Variants in PGBD5 observed in about 807,000 individuals in gnomAD.
The protein encoded by PGBD5 is piggyBac transposable element derived 5, also known as piggyBac transposable element-derived protein 5.
Under a neutral mutation model 47.9 loss-of-function variants are expected in PGBD5, and 14 were observed. The ratio of observed to expected loss-of-function variants is 0.29; its 90% CI spans 0.19 to 0.46. PGBD5 has a LOEUF of 0.46. Ranked by LOEUF, PGBD5 falls within the 20% of genes least tolerant of loss-of-function variation. The pLI is 1.00. For synonymous variants in PGBD5, 316 were observed against 306.3 expected, an observed-to-expected ratio of 1.03 and a Z score of -0.33; for missense variants, 635 against 716.0, an observed-to-expected ratio of 0.89 and a Z score of 1.29.
chr1:230,398,928 C>T (rs889247014), intron 1 of PGBD5, among the ~76,000 whole-genome samples: 5 of 152,126 alleles, frequency 3.3e-5, no homozygotes, highest in Non-Finnish European at 7.3e-5. Flanking sequence ...ATGCAGAGTG[C>T]TCCAATGAGC....
rs76344265 is a variant in PGBD5 at position 230,325,715 on chromosome 1, T to C, written c.1274-300A>G. Among the ~76,000 whole-genome samples the C allele has an allele frequency of 3.9e-3, 594 of 152,060 alleles. 8 individuals are homozygous for C. The East Asian group carries it at 0.051, about 13-fold the overall frequency. On this transcript the variant is annotated intron_variant, in intron 5 of 6. Coordinates refer to ENST00000391860, the MANE Select transcript of PGBD5 (RefSeq NM_001258311.2). ...AGGCCTGAAGGGGCTCTAAGCAGCA[T>C]GGGGAAGGGTGCTGCATCCGACTGG...
chr1:230,328,611 A>G (rs2102812807), intron 5 of PGBD5, among the ~76,000 whole-genome samples: 1 of 152,284 alleles, frequency 6.6e-6, no homozygotes, highest in East Asian at 1.9e-4. Context: ...ACACATGTCT[A>G]TCTTCTCCAT....
At chr1:230,374,101 T>G (rs1441338326) in intron 1 of PGBD5, among the ~76,000 whole-genome samples, 1 of 152,182 alleles carries the variant, frequency 6.6e-6, no homozygotes, top group African/African-American at 2.4e-5. Context: ...AAAAGGAATG[T>G]TCTTGAGGAA....
intron 1 of PGBD5, among the ~76,000 whole-genome samples, chr1:230,361,892 T>A (rs1165290615): frequency 6.6e-6 from 1 of 152,174 alleles, no homozygotes; most frequent in Non-Finnish European, 1.5e-5. Flanking sequence ...AGGCCTTGTC[T>A]GAGATGGGCT....
At chr1:230,404,866 A>T (rs1657261668) in intron 1 of PGBD5, among the ~76,000 whole-genome samples, 2 of 147,360 alleles carry the variant, frequency 1.4e-5, no homozygotes, top group Admixed American at 1.4e-4. Flanking sequence ...CAGAGGTTGC[A>T]GTGAGCCAAG....
chr1:230,369,083 G>A (rs1400854298), intron 1 of PGBD5, among the ~76,000 whole-genome samples: 2 of 152,262 alleles, frequency 1.3e-5, no homozygotes, highest in Admixed American at 6.5e-5. Context: ...AGGCCAGACA[G>A]AATGAGAGTC....
At position 230,402,316 on chromosome 1, in the gene PGBD5, C is replaced by A. The variant is rs547922135; in HGVS notation, c.331+23282G>T. On this transcript the variant is annotated intron_variant, in intron 1 of 6. Coordinates refer to ENST00000391860, the MANE Select transcript of PGBD5 (RefSeq NM_001258311.2). ...CCACAGAAGTCCACGTGGCCTAACG[C>A]CTCTCCTCGCTGCCCTCGAGGAAGG... 3.3e-5 allele frequency among the ~76,000 whole-genome samples: 5 copies of A among 152,344 alleles called. No homozygotes were observed. In the East Asian group the frequency reaches 9.7e-4, roughly 29 times the overall value.
intron 1 of PGBD5, among the ~76,000 whole-genome samples, chr1:230,386,351 C>T (rs1656637890): frequency 6.6e-6 from 1 of 151,928 alleles, no homozygotes; most frequent in Non-Finnish European, 1.5e-5. Context: ...ATTTAGACAA[C>T]CAACCTCTTA....
intron 3 of PGBD5, among the ~76,000 whole-genome samples, chr1:230,346,808 C>T (rs1558195481): frequency 6.6e-6 from 1 of 152,236 alleles, no homozygotes; most frequent in South Asian, 2.1e-4. Context: ...GCACTTGTCA[C>T]GCTATGTCGA....
At chr1:230,365,089 G>A (rs968325555) in intron 1 of PGBD5, among the ~76,000 whole-genome samples, 1 of 150,802 alleles carries the variant, frequency 6.6e-6, no homozygotes, top group Non-Finnish European at 1.5e-5. Context: ...CAAGGTGGGT[G>A]GACCACGAGG....
At chr1:230,398,837 T>C (rs1292283125) in intron 1 of PGBD5, among the ~76,000 whole-genome samples, 1 of 151,980 alleles carries the variant, frequency 6.6e-6, no homozygotes, top group Non-Finnish European at 1.5e-5. Context: ...CACTGTCACA[T>C]CGGTAAGATT....
At chr1:230,353,808 G>T (rs1667594646) in intron 2 of PGBD5, among the ~76,000 whole-genome samples, 1 of 152,180 alleles carries the variant, frequency 6.6e-6, no homozygotes, top group Non-Finnish European at 1.5e-5. Flanking sequence ...AATGTTCCAG[G>T]GTCCAACAGG....
chr1:230,347,714 A>AC (rs1252533834), intron 3 of PGBD5, among the ~76,000 whole-genome samples: 1 of 151,102 alleles, frequency 6.6e-6, no homozygotes, highest in Non-Finnish European at 1.5e-5. Flanking sequence ...ACACACCTGG[A>AC]CCCCCACCAT....
At chr1:230,422,667 G>A (rs1183595467) in intron 1 of PGBD5, among the ~76,000 whole-genome samples, 2 of 152,160 alleles carry the variant, frequency 1.3e-5, no homozygotes, top group African/African-American at 2.4e-5. Context: ...GAGTGGGCAA[G>A]GGCCCTCTCC....
At chr1:230,404,959 G>C (rs1657264500) in intron 1 of PGBD5, among the ~76,000 whole-genome samples, 1 of 147,308 alleles carries the variant, frequency 6.8e-6, no homozygotes, top group Admixed American at 6.9e-5. Flanking sequence ...CCAAGGCAAG[G>C]TATCACTCAG....
In PGBD5 at chr1:230,341,825, G is replaced by C. The variant is rs1024099819; in HGVS notation, c.895-4537C>G. Among the ~76,000 whole-genome samples the C allele has an allele frequency of 7.2e-5, 11 of 152,112 alleles. 1 individual carries two copies. The highest frequency in any genetic ancestry group is 3.3e-4 in the Admixed American group (5 of 15,270). ...CTGCTTGACAAGTATCTCTAGAGCA[G>C]GAAAATGTACCATTTGGTGGTTGCC... On this transcript the variant is annotated intron_variant, in intron 3 of 6. Transcript: ENST00000391860.
At chr1:230,331,328 T>G (rs1020214644) in intron 5 of PGBD5, among the ~76,000 whole-genome samples, 3 of 151,944 alleles carry the variant, frequency 2.0e-5, no homozygotes, top group African/African-American at 7.2e-5. Context: ...AGGTGGGAGA[T>G]TTGTTTGTGC....
chr1:230,402,769 C>T (rs1216265080), intron 1 of PGBD5, among the ~76,000 whole-genome samples: 1 of 152,158 alleles, frequency 6.6e-6, no homozygotes. Flanking sequence ...TTGATAGGCA[C>T]GAGCCCCAGT....
chr1:230,375,678 T>TA (rs1315488007), intron 1 of PGBD5, among the ~76,000 whole-genome samples: 2 of 144,576 alleles, frequency 1.4e-5, no homozygotes, highest in South Asian at 2.2e-4. Context: ...TTTTTTTTTT[T>TA]AGTACATGGA....
Sources: allele counts gnomAD v4.1 joint callset (sites outside exome capture counted in the v4.1 genomes callset), GRCh38; gene constraint gnomAD v4.1.1; transcripts MANE v1.5; gene names NCBI Gene and HGNC (gene_info 2026-07-23, HGNC 2026-07-21).